The following FGF12 variants were observed in gnomAD, a reference collection of about 807,000 sequenced individuals.
The protein encoded by FGF12 is fibroblast growth factor 12, also known as fibroblast growth factor 12B.
A neutral mutation model predicts 23.6 loss-of-function variants in FGF12; 14 were observed. That is an observed-to-expected ratio of 0.59 (90% CI 0.39 to 0.93). The LOEUF (loss-of-function observed/expected upper bound fraction) is 0.93, where lower values mean the gene tolerates loss of function less well. Among genes scored for constraint, FGF12 ranks in the 40% least tolerant of loss-of-function variants. FGF12 has a pLI of 0.00. For missense variants in FGF12, 175 were observed against 217.8 expected, an observed-to-expected ratio of 0.80 and a Z score of 1.24; for synonymous variants, 62 against 77.3, an observed-to-expected ratio of 0.80 and a Z score of 1.04.
At chr3:192,253,687 A>G (rs993890682) in intron 4 of FGF12, among the ~76,000 whole-genome samples, 2 of 152,084 alleles carry the variant, frequency 1.3e-5, no homozygotes, top group Non-Finnish European at 2.9e-5. Flanking sequence ...TTGCCCTCTC[A>G]TATCAATCCA....
intron 2 of FGF12, among the ~76,000 whole-genome samples, chr3:192,711,919 C>T (rs796469584): frequency 8.6e-5 from 11 of 128,334 alleles, no homozygotes; most frequent in African/African-American, 2.4e-4. Flanking sequence ...TCCCCCTCTG[C>T]GAGAAACACC....
chr3:192,232,544 T>TTTATTTATTTA (rs1363933668), intron 4 of FGF12, among the ~76,000 whole-genome samples: 2 of 151,824 alleles, frequency 1.3e-5, no homozygotes, highest in Non-Finnish European at 2.9e-5. Context: ...TATTTATTTA[T>TTTATTTATTTA]TTTTCTTTTC....
intron 2 of FGF12, among the ~76,000 whole-genome samples, chr3:192,682,670 C>T (rs1717575417): frequency 6.6e-6 from 1 of 152,182 alleles, no homozygotes; most frequent in Admixed American, 6.5e-5. Flanking sequence ...TTTCCCAAAT[C>T]ATCAGAGTGT....
chr3:192,194,657 T>C (rs1030210594), intron 4 of FGF12, among the ~76,000 whole-genome samples: 2 of 152,100 alleles, frequency 1.3e-5, no homozygotes, highest in African/African-American at 4.8e-5. Flanking sequence ...GTGTGTCAAG[T>C]TTTTCCTGAT....
chr3:192,325,328 G>A (rs534573674), intron 4 of FGF12, among the ~76,000 whole-genome samples: 3 of 152,130 alleles, frequency 2.0e-5, no homozygotes, highest in South Asian at 4.1e-4. Context: ...AGGAAATCAC[G>A]AGCATATGAG....
chr3:192,165,135 A>G (rs139055144), intron 5 of FGF12, among the ~76,000 whole-genome samples: 292 of 152,046 alleles, frequency 1.9e-3, no homozygotes, highest in African/African-American at 6.8e-3. Flanking sequence ...CATATTTTTT[A>G]GTAGTGATGA....
At chr3:192,569,392 T>G (rs898792759) in intron 2 of FGF12, among the ~76,000 whole-genome samples, 13 of 152,220 alleles carry the variant, frequency 8.5e-5, no homozygotes, top group Non-Finnish European at 1.8e-4. Flanking sequence ...GCATTCTATC[T>G]CCTTAATTTC....
intron 2 of FGF12, among the ~76,000 whole-genome samples, chr3:192,615,105 G>T (rs1381715488): frequency 1.3e-5 from 2 of 151,920 alleles, no homozygotes; most frequent in Non-Finnish European, 2.9e-5. Flanking sequence ...CAGAGCCCCT[G>T]GGACAGCCGC....
intron 2 of FGF12, among the ~76,000 whole-genome samples, chr3:192,421,814 T>C (rs1397433540): frequency 6.9e-6 from 1 of 144,208 alleles, no homozygotes. Flanking sequence ...GAACTTAAAG[T>C]ATAATAAAAA....
intron 2 of FGF12, among the ~76,000 whole-genome samples, chr3:192,526,157 AG>A (rs1343499261): frequency 2.6e-5 from 4 of 152,148 alleles, no homozygotes; most frequent in Non-Finnish European, 4.4e-5. Context: ...TTCTTCTTCC[AG>A]TGAGTTCACA....
chr3:192,416,533 A>T (rs1295801558), intron 2 of FGF12, among the ~76,000 whole-genome samples: 1 of 152,148 alleles, frequency 6.6e-6, no homozygotes, highest in African/African-American at 2.4e-5. Flanking sequence ...TCAGCAGATG[A>T]GTGGACAGAT....
intron 5 of FGF12, among the ~76,000 whole-genome samples, chr3:192,163,237 CA>C (rs1449558342): frequency 2.6e-5 from 4 of 152,062 alleles, no homozygotes; most frequent in African/African-American, 4.8e-5. Flanking sequence ...AATTTTGACC[CA>C]AAGAATTAGA....
intron 4 of FGF12, among the ~76,000 whole-genome samples, chr3:192,177,711 C>A (rs1715939202): frequency 6.6e-6 from 1 of 152,188 alleles, no homozygotes; most frequent in South Asian, 2.1e-4. Flanking sequence ...AAGCATGTCC[C>A]ATTTCAAATC....
intron 2 of FGF12, among the ~76,000 whole-genome samples, chr3:192,576,286 A>G (rs979431465): frequency 2.0e-5 from 3 of 152,222 alleles, no homozygotes; most frequent in African/African-American, 7.2e-5. Context: ...TTTCATCCGC[A>G]CAGCAACCAT....
At chr3:192,499,493 CAT>C (rs3043763) in intron 2 of FGF12, among the ~76,000 whole-genome samples, 494 of 26,188 alleles carry the variant, frequency 0.019, 2 homozygotes, top group Admixed American at 0.02. Context: ...TGCTAGCATC[CAT>C]ATATATATAT....
intron 2 of FGF12, among the ~76,000 whole-genome samples, chr3:192,507,091 A>G (rs967756811): frequency 4.0e-5 from 6 of 151,646 alleles, no homozygotes; most frequent in Non-Finnish European, 5.9e-5. Context: ...ACGGGGTTTC[A>G]CCGTGTTAGC....
intron 2 of FGF12, among the ~76,000 whole-genome samples, chr3:192,465,282 T>C (rs1286763888): frequency 2.0e-5 from 3 of 152,216 alleles, no homozygotes; most frequent in Non-Finnish European, 2.9e-5. Flanking sequence ...AACAGTGAAA[T>C]ATTTAAATTT....
intron 2 of FGF12, among the ~76,000 whole-genome samples, chr3:192,551,538 C>T (rs773060995): frequency 5.3e-5 from 8 of 152,172 alleles, no homozygotes; most frequent in Non-Finnish European, 8.8e-5. Context: ...AAAGTCCTAA[C>T]GCAGCCAGAG....
intron 2 of FGF12, among the ~76,000 whole-genome samples, chr3:192,507,361 AC>A (rs1404897683): frequency 6.6e-6 from 1 of 151,300 alleles, no homozygotes; most frequent in African/African-American, 2.4e-5. Context: ...ACACACACAC[AC>A]ACACACACAC....
Sources: gnomAD v4.1 joint callset for allele counts (sites outside exome capture counted in the v4.1 genomes callset) on GRCh38, gnomAD v4.1.1 for gene constraint, MANE v1.5 for transcripts, NCBI Gene and HGNC (gene_info 2026-07-23, HGNC 2026-07-21) for gene names.